The following UBE2W variants were observed in gnomAD, a reference collection of about 807,000 sequenced individuals.
The protein encoded by UBE2W is ubiquitin-conjugating enzyme E2 W.
Under a neutral mutation model 27.2 loss-of-function variants are expected in UBE2W, and 18 were observed. The observed-to-expected ratio is 0.66, with a 90% CI of 0.46 to 0.98. The LOEUF (loss-of-function observed/expected upper bound fraction) is 0.98. Among genes scored for constraint, UBE2W ranks in the 50% least tolerant of loss-of-function variants. UBE2W has a pLI of 0.00. For missense variants in UBE2W, 90 were observed against 180.2 expected, an observed-to-expected ratio of 0.50 and a Z score of 2.87; for synonymous variants, 53 against 57.2, an observed-to-expected ratio of 0.93 and a Z score of 0.33.
Position 73,786,238 on chromosome 8 carries a change from T to C in UBE2W, c.*7864A>G, listed in dbSNP as rs922917496. On this transcript the variant is annotated 3_prime_UTR_variant, in exon 6 of 6. Transcript: ENST00000602593. ...AACCAATGAAGAATGATTAATGATTTATTTAAAAGTAGTTTTCTCAAACTC... is the reference window on the plus strand; with the variant it reads ...AACCAATGAAGAATGATTAATGATTCATTTAAAAGTAGTTTTCTCAAACTC... 2 of 985,434 alleles carry C rather than the reference T, an allele frequency of 2.0e-6. No homozygotes were observed. The highest frequency in any genetic ancestry group is 3.5e-5 in the African/African-American group (2 of 57,358). 61.0% of individuals were successfully genotyped at this position (985,434 alleles called of 1,614,324 possible).
chr8:73,872,902 T>C (rs1198231342), intron 1 of UBE2W, among the ~76,000 whole-genome samples: 1 of 137,950 alleles, frequency 7.2e-6, no homozygotes, highest in Non-Finnish European at 1.6e-5. Context: ...TTTTTTTTCC[T>C]TTTTTTTTTT....
At chr8:73,872,882 A>G (rs1812057717) in intron 1 of UBE2W, among the ~76,000 whole-genome samples, 1 of 151,158 alleles carries the variant, frequency 6.6e-6, no homozygotes, top group East Asian at 1.9e-4. Flanking sequence ...CTGTTCAAAG[A>G]TAATCCTTTT....
rs1808308959 is a variant in UBE2W, at chr8:73,794,025, A to G, written c.*77T>C. Reference sequence around the variant, plus strand: ...TAGGTCACTTCCAGTCAAAGGTTAAAGTTCAAAGACTGAATGATCAAAGTG... The same window carrying G: ...TAGGTCACTTCCAGTCAAAGGTTAAGGTTCAAAGACTGAATGATCAAAGTG... On this transcript the variant is annotated 3_prime_UTR_variant, in exon 6 of 6. Transcript: ENST00000602593. The G allele has an allele frequency of 6.3e-7, 1 of 1,599,392 alleles. No homozygotes were observed. The highest frequency in any genetic ancestry group is 1.1e-5 in the South Asian group (1 of 87,770).
chr8:73,811,948 G>A (rs968736357), intron 3 of UBE2W, among the ~76,000 whole-genome samples: 1 of 124,112 alleles, frequency 8.1e-6, no homozygotes, highest in Admixed American at 7.2e-5. Flanking sequence ...CATAAGCTAA[G>A]TTTTATATAT....
At chr8:73,784,983 A>C (rs1807910075), downstream of UBE2W, among the ~76,000 whole-genome samples, 1 of 152,158 alleles carries the variant, frequency 6.6e-6, no homozygotes, top group South Asian at 2.1e-4. Context: ...ACCCTGACTC[A>C]CAAGGACCTA....
rs146354883 is a variant in UBE2W, at chr8:73,780,179, C to T, written c.*301G>A. The stretch of plus-strand genomic sequence containing the variant: ...ATCAAGGTGTCAGCAGAATCATGTT[C>T]TCTCCCACAGCTCTAGGGAAGAACA... On this transcript the variant is annotated 3_prime_UTR_variant, in exon 5 of 5. Coordinates refer to the UBE2W transcript ENST00000523278. 2.7e-3 allele frequency: 438 copies of T among 162,420 alleles called. 4 individuals carry two copies. Among genetic ancestry groups the T allele is most frequent in the African/African-American group, 9.6e-3 (401 of 41,830 alleles). The allele number at this position is 162,420 out of a possible 1,614,324, so 10.1% of individuals were successfully genotyped here.
chr8:73,822,254 G>T (rs1809645348), intron 3 of UBE2W, among the ~76,000 whole-genome samples: 3 of 152,062 alleles, frequency 2.0e-5, no homozygotes. Context: ...ACAGCACTTG[G>T]GTTTTCCTGT....
Position 73,788,509 on chromosome 8 carries a change from T to G in UBE2W, c.*5593A>C, listed in dbSNP as rs1808057459. On this transcript the variant is annotated 3_prime_UTR_variant, in exon 6 of 6. Transcript: ENST00000602593. ...TTTACCTTGAACCTGACCACCAATT[T>G]GCCTTTACATAAACAATCTGTGGTT... 1.0e-6 allele frequency: 1 copy of G among 985,332 alleles called. No individual in the cohort carries two copies. The highest frequency in any genetic ancestry group is 1.7e-5 in the African/African-American group (1 of 57,240). The allele number at this position is 985,332 out of a possible 1,614,324, so 61.0% of individuals were successfully genotyped here. A position where few individuals can be genotyped will look rare whatever the true frequency, so the allele number is the denominator to read the frequency against.
At position 73,788,798 on chromosome 8, in the gene UBE2W, G is replaced by A. The variant is rs1334317099; in HGVS notation, c.*5304C>T. 3 of 985,226 alleles carry A rather than the reference G, an allele frequency of 3.0e-6. No individual in the cohort carries two copies. In the African/African-American group the frequency reaches 5.2e-5, roughly 17 times the overall value. 61.0% of individuals were successfully genotyped at this position (985,226 alleles called of 1,614,324 possible). On this transcript the variant is annotated 3_prime_UTR_variant, in exon 6 of 6. Transcript: ENST00000602593. ...ATCCTTTTCTCAAAACCCAGAGAGT[G>A]TATGTGCCAAGGACTAGAACAAGAA...
At chr8:73,842,528 CAAAAAAAAAAAAAAA>C (rs759063478) in intron 1 of UBE2W, among the ~76,000 whole-genome samples, 114 of 9,678 alleles carry the variant, frequency 0.012, 4 homozygotes, top group African/African-American at 0.03. Context: ...GACTCCGTCT[CAAAAAAAAAAAAAAA>C]AAAAAAAAAA....
At chr8:73,878,377 A>G (rs1812328537) in intron 1 of UBE2W, among the ~76,000 whole-genome samples, 1 of 152,084 alleles carries the variant, frequency 6.6e-6, no homozygotes, top group Admixed American at 6.5e-5. Flanking sequence ...GCTCCCGCAC[A>G]CTCAGCCCCC....
chr8:73,793,588 C>A lies in UBE2W; in HGVS notation c.*514G>T. ...ACCTTAGGATCACAGTGCATAGAAT[C>A]CAAATATAAACAGTTGGGGTGACTT... On this transcript the variant is annotated 3_prime_UTR_variant, in exon 6 of 6. Transcript: ENST00000602593. 1.0e-6 allele frequency: 1 copy of A among 986,012 alleles called. No homozygotes were observed. The highest frequency in any genetic ancestry group is 1.2e-6 in the Non-Finnish European group (1 of 830,072). The allele number at this position is 986,012 out of a possible 1,614,324, so 61.1% of individuals were successfully genotyped here. A position where few individuals can be genotyped will look rare whatever the true frequency, so the allele number is the denominator to read the frequency against.
intron 3 of UBE2W, among the ~76,000 whole-genome samples, chr8:73,822,163 G>A (rs1809641625): frequency 6.6e-6 from 1 of 152,138 alleles, no homozygotes; most frequent in Non-Finnish European, 1.5e-5. Context: ...CACCCCTCCT[G>A]AGGAAATCTC....
At chr8:73,865,481 G>A (rs1811715376) in intron 1 of UBE2W, among the ~76,000 whole-genome samples, 1 of 152,132 alleles carries the variant, frequency 6.6e-6, no homozygotes, top group South Asian at 2.1e-4. Flanking sequence ...GTGTAGTGGT[G>A]TGCACCTGTA....
At chr8:73,863,836 G>C (rs779661917) in intron 1 of UBE2W, among the ~76,000 whole-genome samples, 1 of 151,638 alleles carries the variant, frequency 6.6e-6, no homozygotes, top group Non-Finnish European at 1.5e-5. Flanking sequence ...ACGTGGGGAT[G>C]GTATTTTTTT....
At chr8:73,833,105 A>C (rs995946051) in intron 1 of UBE2W, among the ~76,000 whole-genome samples, 6 of 150,176 alleles carry the variant, frequency 4.0e-5, no homozygotes, top group Admixed American at 1.3e-4. Context: ...GAATCGCTTG[A>C]ACCCGGGAGG....
chr8:73,788,105 A>G lies in UBE2W; in HGVS notation c.*5997T>C, dbSNP rs947098996. ...AAGAGGTCTGGTATCTATCCCATTTAGTATTCAAGTCTACAGAAAAAATCC... is the reference window on the plus strand; with the variant it reads ...AAGAGGTCTGGTATCTATCCCATTTGGTATTCAAGTCTACAGAAAAAATCC... On this transcript the variant is annotated 3_prime_UTR_variant, in exon 6 of 6. Coordinates refer to ENST00000602593, the MANE Select transcript of UBE2W (RefSeq NM_018299.6). 7 of 983,962 alleles carry G rather than the reference A, an allele frequency of 7.1e-6. No individual in the cohort carries two copies. In the African/African-American group the frequency reaches 1.2e-4, roughly 17 times the overall value. The allele number at this position is 983,962 out of a possible 1,614,324, so 61.0% of individuals were successfully genotyped here.
chr8:73,816,647 A>C (rs1219502768), intron 3 of UBE2W, among the ~76,000 whole-genome samples: 1 of 152,216 alleles, frequency 6.6e-6, no homozygotes, highest in Non-Finnish European at 1.5e-5. Flanking sequence ...AATGGCTTCT[A>C]ATCAAAGAGA....
intron 1 of UBE2W, among the ~76,000 whole-genome samples, chr8:73,847,601 G>T (rs895504020): frequency 6.7e-6 from 1 of 150,304 alleles, no homozygotes; most frequent in South Asian, 2.1e-4. Context: ...CATCATCAAC[G>T]GTAAAACGGG....
Sources: allele counts gnomAD v4.1 joint callset (sites outside exome capture counted in the v4.1 genomes callset), GRCh38; gene constraint gnomAD v4.1.1; transcripts MANE v1.5; gene names NCBI Gene and HGNC (gene_info 2026-07-23, HGNC 2026-07-21).